The following SORBS2 variants were observed in gnomAD, a reference collection of about 807,000 sequenced individuals.
The protein encoded by SORBS2 is sorbin and SH3 domain containing 2, also known as sorbin and SH3 domain-containing protein 2.
In SORBS2, 46 loss-of-function variants were observed where a neutral mutation model predicts 97.7. That is an observed-to-expected ratio of 0.47 (90% CI 0.37 to 0.60). The LOEUF (loss-of-function observed/expected upper bound fraction) is 0.60. Ranked by LOEUF, SORBS2 falls within the 20% of genes least tolerant of loss-of-function variation. The pLI, the probability that SORBS2 is intolerant of heterozygous loss-of-function variation, is 0.00. For missense variants in SORBS2, 1,316 were observed against 1,282.3 expected, an observed-to-expected ratio of 1.03 and a Z score of -0.40; for synonymous variants, 476 against 473.4, an observed-to-expected ratio of 1.01 and a Z score of -0.07.
At chr4:185,878,640 C>G (rs901833586) in intron 1 of SORBS2, among the ~76,000 whole-genome samples, 2 of 152,148 alleles carry the variant, frequency 1.3e-5, no homozygotes, top group Non-Finnish European at 2.9e-5. Flanking sequence ...TGTCCTGGAC[C>G]CCGGGATTCC....
intron 12 of SORBS2, among the ~76,000 whole-genome samples, chr4:185,598,857 A>G (rs2153375827): frequency 6.6e-6 from 1 of 152,114 alleles, no homozygotes; most frequent in South Asian, 2.1e-4. Context: ...ACATACAAAT[A>G]CATAATGTAA....
chr4:185,587,849 T>TA, intron 14 of SORBS2, 161 bp from the exon 27 acceptor site: 1 of 609,208 alleles, frequency 1.6e-6, no homozygotes. Context: ...GCAGACAAAA[T>TA]AAGCAGTGTT....
chr4:185,868,155 C>CTTTTTTTTTTTTTTTTTTTTTTTTT lies in SORBS2; in HGVS notation c.-338+88040_-338+88041insAAAAAAAAAAAAAAAAAAAAAAAAA, dbSNP rs1431293135. 3.7e-4 allele frequency among the ~76,000 whole-genome samples: 37 copies of CTTTTTTTTTTTTTTTTTTTTTTTTT among 100,714 alleles called. 3 individuals carry two copies. Among genetic ancestry groups the CTTTTTTTTTTTTTTTTTTTTTTTTT allele is most frequent in the Non-Finnish European group, 4.9e-4 (26 of 53,298 alleles). The allele number at this position is 100,714 out of a possible 152,430, so 66.1% of individuals were successfully genotyped here. A position where few individuals can be genotyped will look rare whatever the true frequency, so the allele number is the denominator to read the frequency against. On this transcript the variant is annotated intron_variant, in intron 1 of 20. Transcript: ENST00000284776. ...CCTTTCTCTTTTCTTTTCTTTTTTT[C>CTTTTTTTTTTTTTTTTTTTTTTTTT]TTTCTTTTTTTTTTTTTTTGAGGCA...
chr4:185,768,917 A>C (rs1324833527), intron 2 of SORBS2, among the ~76,000 whole-genome samples: 1 of 152,214 alleles, frequency 6.6e-6, no homozygotes, highest in Non-Finnish European at 1.5e-5. Context: ...TGAAAAAAGT[A>C]AGTGGCCAAT....
At position 185,669,842 on chromosome 4, in the gene SORBS2, T is replaced by C. The variant is rs911089510; in HGVS notation, c.-45-7600A>G. Among the ~76,000 whole-genome samples the C allele has an allele frequency of 3.3e-5, 5 of 152,360 alleles. No homozygotes were observed. In the South Asian group the frequency reaches 1.0e-3, roughly 32 times the overall value. ...TCTACATTTTTGCTTATTTCAGTTT[T>C]AGTTGAGAGAATAGACATGTTTGAC... On this transcript the variant is annotated intron_variant, in intron 4 of 20. Transcript: ENST00000284776.
intron 2 of SORBS2, chr4:185,774,370 C>A (rs543372223): frequency 6.6e-6 from 1 of 152,172 alleles, no homozygotes; most frequent in South Asian, 2.1e-4. Flanking sequence ...AAAACTAAAG[C>A]TCCAATAAAT....
intron 2 of SORBS2, among the ~76,000 whole-genome samples, chr4:185,693,613 C>A (rs2098129888): frequency 6.6e-6 from 1 of 152,160 alleles, no homozygotes; most frequent in African/African-American, 2.4e-5. Flanking sequence ...CCTTTTGAAA[C>A]CAGGCAACGC....
intron 2 of SORBS2, among the ~76,000 whole-genome samples, chr4:185,752,374 C>T (rs1304711263): frequency 2.6e-5 from 4 of 152,158 alleles, no homozygotes; most frequent in Non-Finnish European, 4.4e-5. Flanking sequence ...CTCCCGGGTT[C>T]GCGCCATTCT....
chr4:185,856,460 C>A (rs908472825), intron 1 of SORBS2, among the ~76,000 whole-genome samples: 1 of 152,220 alleles, frequency 6.6e-6, no homozygotes, highest in Non-Finnish European at 1.5e-5. Flanking sequence ...GAAACTCCCA[C>A]ATTTATGACC....
chr4:185,934,646 T>C (rs957867139), intron 1 of SORBS2, among the ~76,000 whole-genome samples: 1 of 151,858 alleles, frequency 6.6e-6, no homozygotes, highest in Non-Finnish European at 1.5e-5. Context: ...TAGCCAGACA[T>C]GGTGGCGGGC....
At chr4:185,887,465 G>T (rs1165214361) in intron 1 of SORBS2, among the ~76,000 whole-genome samples, 2 of 152,180 alleles carry the variant, frequency 1.3e-5, no homozygotes, top group Non-Finnish European at 2.9e-5. Flanking sequence ...AAACTTGCGG[G>T]CATCGCAGAC....
intron 1 of SORBS2, among the ~76,000 whole-genome samples, chr4:185,791,762 T>C (rs1325505765): frequency 1.3e-5 from 2 of 151,994 alleles, no homozygotes; most frequent in Non-Finnish European, 2.9e-5. Context: ...GAGTAACCAT[T>C]TTCTTCTTTA....
chr4:185,606,777 C>A lies in SORBS2; in HGVS notation c.2796+5003G>T, dbSNP rs2096432577. 1 of 985,254 alleles carries A rather than the reference C, an allele frequency of 1.0e-6. No homozygotes were observed. The highest frequency in any genetic ancestry group is 6.1e-5 in the Admixed American group (1 of 16,262). The allele number at this position is 985,254 out of a possible 1,614,324, so 61.0% of individuals were successfully genotyped here. A position where few individuals can be genotyped will look rare whatever the true frequency, so the allele number is the denominator to read the frequency against. ...CTTCCTGAGGTTCTGGCGGCCCTCT[C>A]TGGATGCCTGACACAATCCCCTCAT... is the stretch of plus-strand genomic sequence containing the variant. On this transcript the variant is annotated intron_variant, in intron 12 of 14. Transcript: ENST00000418609. The surrounding 1 kb of genome is among the most constrained non-coding windows in gnomAD (Gnocchi z 4.3).
At chr4:185,734,715 C>T (rs903195483) in intron 2 of SORBS2, among the ~76,000 whole-genome samples, 1 of 152,156 alleles carries the variant, frequency 6.6e-6, no homozygotes, top group African/African-American at 2.4e-5. Flanking sequence ...GGGTGAGAGG[C>T]AAGCAAAGTC....
chr4:185,740,649 A>C (rs1186257232), intron 2 of SORBS2, among the ~76,000 whole-genome samples: 2 of 151,864 alleles, frequency 1.3e-5, no homozygotes, highest in Non-Finnish European at 2.9e-5. Flanking sequence ...ACTCAGCCCA[A>C]TATTAACTCA....
At chr4:185,813,817 G>A (rs1215135192) in intron 1 of SORBS2, among the ~76,000 whole-genome samples, 1 of 152,132 alleles carries the variant, frequency 6.6e-6, no homozygotes, top group Non-Finnish European at 1.5e-5. Context: ...CCCCTGTACC[G>A]GGGTCCACCT....
At position 185,644,169 on chromosome 4, in the gene SORBS2, G is replaced by T. The variant is rs183763361; in HGVS notation, c.396+2499C>A. ...GTCCTCTCCAAAATTGTTTAGGAGG[G>T]TTAACATTTTTGGTTCTTTCTATTT... On this transcript the variant is annotated intron_variant, in intron 4 of 14. Transcript: ENST00000418609. Among the ~76,000 whole-genome samples the T allele has an allele frequency of 2.0e-5, 3 of 152,268 alleles. No homozygotes were observed. The East Asian group carries it at 5.8e-4, about 29-fold the overall frequency.
At chr4:185,592,460 A>G (rs1197601103) in intron 13 of SORBS2, among the ~76,000 whole-genome samples, 1 of 152,224 alleles carries the variant, frequency 6.6e-6, no homozygotes, top group Non-Finnish European at 1.5e-5. Context: ...TTTATTTTTT[A>G]TCATGTGATC....
chr4:185,604,549 C>T (rs528294418), intron 12 of SORBS2, among the ~76,000 whole-genome samples: 24 of 152,216 alleles, frequency 1.6e-4, no homozygotes, highest in East Asian at 7.7e-4. Flanking sequence ...CGAGGAAAGA[C>T]GAGAGGTGAT....
Sources: allele counts gnomAD v4.1 joint callset (sites outside exome capture counted in the v4.1 genomes callset), GRCh38; gene constraint gnomAD v4.1.1; non-coding constraint Gnocchi (gnomAD v3.1); transcripts MANE v1.5; gene names NCBI Gene and HGNC (gene_info 2026-07-23, HGNC 2026-07-21).